Variants in TENM4 observed in about 807,000 individuals in gnomAD.
The protein encoded by TENM4 is teneurin transmembrane protein 4, also known as teneurin-4.
In TENM4, 82 loss-of-function variants were observed where a neutral mutation model predicts 243.3. The observed-to-expected ratio is 0.34, with a 90% CI of 0.28 to 0.40. The LOEUF (loss-of-function observed/expected upper bound fraction) is 0.40. Among genes scored for constraint, TENM4 ranks in the 10% least tolerant of loss-of-function variants. The pLI is 1.00. For missense variants in TENM4, 3,138 were observed against 3,673.3 expected (o/e 0.85, Z 3.77); for synonymous variants, 1,412 against 1,456.3 (o/e 0.97, Z 0.69).
intron 1 of TENM4, among the ~76,000 whole-genome samples, chr11:79,426,628 A>G (rs1038381517): frequency 6.6e-6 from 1 of 152,222 alleles, no homozygotes; most frequent in Non-Finnish European, 1.5e-5. Flanking sequence ...CAGAGCCAAT[A>G]TGATTTCCTG....
intron 15 of TENM4, among the ~76,000 whole-genome samples, chr11:78,799,063 G>C (rs532110466): frequency 6.6e-6 from 1 of 152,154 alleles, no homozygotes; most frequent in African/African-American, 2.4e-5. Context: ...ATGTGTCAGC[G>C]TGGGAGCAGG....
intron 2 of TENM4, among the ~76,000 whole-genome samples, chr11:79,297,217 C>A (rs1456602473): frequency 6.6e-6 from 1 of 152,154 alleles, no homozygotes; most frequent in Admixed American, 6.5e-5. Context: ...CAGAGAAAGA[C>A]CCAATGTTGG....
rs1007802870 is a variant in TENM4, at chr11:78,814,358, A to G, written c.1719T>C (p.Asn573=). ...VDNCPSNCYG[N]GDCISGTCHC... is the part of the protein sequence containing the mutation. ...GGCAGGTCCCAGAGATGCAGTCACC[A>G]TTGCCATAGCAGTTGCTGGGGCAGT... is the stretch of plus-strand genomic sequence containing the variant. Residue 573 remains asparagine (N), a synonymous_variant, in exon 13 of 34, where the codon AAT becomes AAC. Transcript: ENST00000278550. 6 of 1,550,494 alleles carry G rather than the reference A, an allele frequency of 3.9e-6. No individual in the cohort carries two copies. The highest frequency in any genetic ancestry group is 1.2e-5 in the South Asian group (1 of 83,888).
chr11:79,334,218 C>T (rs1269857401), intron 1 of TENM4, among the ~76,000 whole-genome samples: 1 of 152,192 alleles, frequency 6.6e-6, no homozygotes, highest in Non-Finnish European at 1.5e-5. Context: ...CAGGTGAATG[C>T]CTTACAGTGT....
chr11:78,907,651 C>A (rs61882011), intron 6 of TENM4, among the ~76,000 whole-genome samples: 243 of 152,278 alleles, frequency 1.6e-3, no homozygotes, highest in South Asian at 4.1e-3. Flanking sequence ...TGTGTCATTT[C>A]TTTCCATATC....
chr11:78,793,621 T>C (rs993049127), intron 15 of TENM4, among the ~76,000 whole-genome samples: 10 of 152,230 alleles, frequency 6.6e-5, no homozygotes, highest in African/African-American at 2.2e-4. Context: ...AAACCATTAA[T>C]AGTCAGCATT....
At chr11:78,863,414 T>C (rs1388039429) in intron 9 of TENM4, among the ~76,000 whole-genome samples, 1 of 152,184 alleles carries the variant, frequency 6.6e-6, no homozygotes, top group Non-Finnish European at 1.5e-5. Context: ...CTTCGAAAGA[T>C]AAATAACAAT....
intron 9 of TENM4, among the ~76,000 whole-genome samples, chr11:78,870,788 G>A (rs1159581986): frequency 6.6e-6 from 1 of 152,166 alleles, no homozygotes; most frequent in African/African-American, 2.4e-5. Flanking sequence ...GGGAACAGGT[G>A]AGCCCACCAC....
intron 6 of TENM4, among the ~76,000 whole-genome samples, chr11:79,056,490 G>T (rs1459334230): frequency 1.3e-5 from 2 of 152,078 alleles, no homozygotes; most frequent in Non-Finnish European, 2.9e-5. Flanking sequence ...GTAGCCGTCA[G>T]TGTTGGCTCC....
At position 78,927,497 on chromosome 11, in the gene TENM4, A is replaced by G. The variant is rs563094947; in HGVS notation, c.494-23974T>C. On this transcript the variant is annotated intron_variant, in intron 6 of 33. Transcript: ENST00000278550. The stretch of plus-strand genomic sequence containing the variant: ...TTATACAGGTCAAAAATATAAAAGA[A>G]ATATCTAGGGGATGGAATGGGACTT... Among the ~76,000 whole-genome samples the G allele has an allele frequency of 1.1e-3, 165 of 152,326 alleles. 1 individual carries two copies. The highest frequency in any genetic ancestry group is 3.4e-3 in the Middle Eastern group (1 of 294).
At chr11:79,337,295 G>T (rs1323076207) in intron 1 of TENM4, among the ~76,000 whole-genome samples, 1 of 152,188 alleles carries the variant, frequency 6.6e-6, no homozygotes, top group Non-Finnish European at 1.5e-5. Flanking sequence ...GATGGCAGCT[G>T]CATAACAACA....
At chr11:78,868,804 C>A (rs942478791) in intron 9 of TENM4, among the ~76,000 whole-genome samples, 2 of 152,144 alleles carry the variant, frequency 1.3e-5, no homozygotes, top group East Asian at 3.9e-4. Flanking sequence ...TGACTAGACA[C>A]GGTTATAACC....
chr11:79,067,896 G>T (rs2136997272), intron 5 of TENM4: 1 of 152,286 alleles, frequency 6.6e-6, no homozygotes, highest in African/African-American at 2.4e-5. Context: ...TTTAAAATGG[G>T]ATGATAATCT....
At chr11:79,174,336 T>G (rs1355631835) in intron 3 of TENM4, among the ~76,000 whole-genome samples, 3 of 152,188 alleles carry the variant, frequency 2.0e-5, no homozygotes, top group Non-Finnish European at 4.4e-5. Flanking sequence ...ATGTCTCAGA[T>G]ACCCCTACAG....
intron 1 of TENM4, among the ~76,000 whole-genome samples, chr11:79,361,456 C>G (rs1328602428): frequency 1.3e-5 from 2 of 152,146 alleles, no homozygotes; most frequent in African/African-American, 4.8e-5. Context: ...GCAAGTTTTC[C>G]TAGGTTCTAA....
At chr11:78,915,193 C>T (rs905282653) in intron 6 of TENM4, among the ~76,000 whole-genome samples, 22 of 152,142 alleles carry the variant, frequency 1.4e-4, no homozygotes, top group African/African-American at 5.1e-4. Context: ...TTGTTTTCTG[C>T]GTGGGAGGCT....
At chr11:79,066,206 C>T (rs1013443701) in intron 5 of TENM4, among the ~76,000 whole-genome samples, 23 of 152,062 alleles carry the variant, frequency 1.5e-4, no homozygotes, top group African/African-American at 4.3e-4. Flanking sequence ...GCTCTGGGAG[C>T]GCAGGAGCAG....
At chr11:79,043,052 G>A (rs1859576613) in intron 6 of TENM4, among the ~76,000 whole-genome samples, 1 of 152,110 alleles carries the variant, frequency 6.6e-6, no homozygotes, top group African/African-American at 2.4e-5. Flanking sequence ...ACATTTCCTG[G>A]CTAGACTGCC....
In TENM4 at chr11:79,015,458, A is replaced by G. The variant is rs149372962; in HGVS notation, c.493+49280T>C. On this transcript the variant is annotated intron_variant, in intron 6 of 33. Transcript: ENST00000278550. ...AGAGAAAAACTACACTGCTGATTTC[A>G]TGAGAAAAAAAGTCATTTAGTGTGT... Among the ~76,000 whole-genome samples, 1,010 of 147,664 alleles carry G rather than the reference A, an allele frequency of 6.8e-3. 10 individuals are homozygous for G. The highest frequency in any genetic ancestry group is 0.025 in the African/African-American group (973 of 39,442).
Sources: gnomAD v4.1 joint callset for allele counts (sites outside exome capture counted in the v4.1 genomes callset) on GRCh38, gnomAD v4.1.1 for gene constraint, MANE v1.5 for transcripts, NCBI Gene and HGNC (gene_info 2026-07-23, HGNC 2026-07-21) for gene names.